Variants in PRKCZ observed in about 807,000 individuals in gnomAD.
The protein encoded by PRKCZ is protein kinase C zeta type.
PRKCZ carries 33 observed loss-of-function variants against 79.5 expected under a neutral mutation model. The ratio of observed to expected loss-of-function variants is 0.41; its 90% CI spans 0.31 to 0.55. PRKCZ has a LOEUF of 0.55. PRKCZ is among the 20% of genes least tolerant of loss of function. The pLI, the probability that PRKCZ is intolerant of heterozygous loss-of-function variation, is 0.19. For missense variants in PRKCZ, 578 were observed against 813.5 expected, an observed-to-expected ratio of 0.71 and a Z score of 3.52; for synonymous variants, 342 against 320.9, an observed-to-expected ratio of 1.07 and a Z score of -0.70.
chr1:2,083,847 CTG>C (rs777605105), intron 4 of PRKCZ, among the ~76,000 whole-genome samples: 28 of 152,302 alleles, frequency 1.8e-4, no homozygotes, highest in Admixed American at 7.2e-4. Context: ...GAATCTGAAA[CTG>C]TATTGGTGTC....
chr1:2,104,619 G>T, intron 4 of PRKCZ: 1 of 938,912 alleles, frequency 1.1e-6, no homozygotes, highest in Non-Finnish European at 1.3e-6. Context: ...ATGAGGCCCT[G>T]GGGTGGAGCC....
At chr1:2,053,374 A>G (rs1048689061) in intron 1 of PRKCZ, among the ~76,000 whole-genome samples, 1 of 152,122 alleles carries the variant, frequency 6.6e-6, no homozygotes, top group African/African-American at 2.4e-5. Flanking sequence ...GCTGGGATGA[A>G]AGGCGTGAGT....
intron 7 of PRKCZ, among the ~76,000 whole-genome samples, chr1:2,147,206 T>G (rs1678756223): frequency 6.6e-6 from 1 of 152,164 alleles, no homozygotes; most frequent in Non-Finnish European, 1.5e-5. Context: ...TATTGTCCAC[T>G]GACCTCTCCA....
chr1:2,093,825 C>T (rs531107265), intron 4 of PRKCZ, among the ~76,000 whole-genome samples: 3 of 152,162 alleles, frequency 2.0e-5, no homozygotes, highest in Non-Finnish European at 2.9e-5. Context: ...GGAGCTGCAT[C>T]GGGCACAGCC....
In PRKCZ at chr1:2,110,076, A is replaced by T. The variant is rs1239008873; in HGVS notation, c.335-25186A>T. ...CTAAAACCAATGGGTCCCAACCAAG[A>T]GGATCCCAGAGGTGAGACACAGAAC... On this transcript the variant is annotated intron_variant, in intron 4 of 17. Coordinates refer to ENST00000378567, the MANE Select transcript of PRKCZ (RefSeq NM_002744.6). Among the ~76,000 whole-genome samples the T allele has an allele frequency of 2.7e-5, 4 of 149,230 alleles. No homozygotes were observed. The East Asian group carries it at 8.0e-4, about 30-fold the overall frequency.
intron 4 of PRKCZ, among the ~76,000 whole-genome samples, chr1:2,080,831 C>T (rs916329580): frequency 6.6e-6 from 1 of 152,180 alleles, no homozygotes; most frequent in African/African-American, 2.4e-5. Context: ...AGACTTGCCT[C>T]ATTTTCAACG....
chr1:2,136,598 CTAGGCGGCTGTGTGCT>C (rs1676252127), intron 5 of PRKCZ, among the ~76,000 whole-genome samples: 1 of 152,202 alleles, frequency 6.6e-6, no homozygotes, highest in Admixed American at 6.5e-5. Context: ...AATGGGGAGC[CTAGGCGGCTGTGTGCT>C]TAGGGCAGGT....
In PRKCZ at chr1:2,082,491, C is replaced by T. The variant is rs754322904; in HGVS notation, c.334+22900C>T. 5.8e-5 allele frequency: 26 copies of T among 445,882 alleles called. No individual in the cohort carries two copies. The highest frequency in any genetic ancestry group is 1.4e-4 in the East Asian group (2 of 14,342). The allele number at this position is 445,882 out of a possible 1,614,324, so 27.6% of individuals were successfully genotyped here. A position where few individuals can be genotyped will look rare whatever the true frequency, so the allele number is the denominator to read the frequency against. ...TGTAAGATCACGTCCGCGTTCCTAG[C>T]GACCGGTTTTGTGATGTGGGCAGTG... On this transcript the variant is annotated intron_variant, in intron 4 of 17. Transcript: ENST00000378567. The surrounding 1 kb of genome is among the most constrained non-coding windows in gnomAD (Gnocchi z 4.4).
intron 4 of PRKCZ, among the ~76,000 whole-genome samples, chr1:2,106,241 A>G (rs571204655): frequency 1.3e-5 from 2 of 152,376 alleles, no homozygotes; most frequent in East Asian, 1.9e-4. Flanking sequence ...AAGGCATCCA[A>G]ACATCAAAAG....
In PRKCZ at chr1:2,055,296, G is replaced by T. The variant is rs566013061; in HGVS notation, c.72-145G>T. The T allele has an allele frequency of 8.8e-5, 87 of 993,656 alleles. No individual in the cohort carries two copies. The African/African-American group carries it at 1.1e-3, about 13-fold the overall frequency. 61.6% of individuals were successfully genotyped at this position (993,656 alleles called of 1,614,324 possible). On this transcript the variant is annotated intron_variant, in intron 1 of 17. Coordinates refer to ENST00000378567, the MANE Select transcript of PRKCZ (RefSeq NM_002744.6). ...GGTTAATGGTTCTATTTTGTGTGTG[G>T]GAGGGGGGAGGGGGTGGGGCTGTCA...
chr1:2,181,628 G>T (rs1308533508), intron 16 of PRKCZ, among the ~76,000 whole-genome samples: 1 of 152,152 alleles, frequency 6.6e-6, no homozygotes, highest in Non-Finnish European at 1.5e-5. Flanking sequence ...TGGCCCCTGG[G>T]GATGCTGTCA....
At chr1:2,122,104 T>C (rs367948294) in intron 4 of PRKCZ, among the ~76,000 whole-genome samples, 10 of 34,706 alleles carry the variant, frequency 2.9e-4, no homozygotes, top group African/African-American at 8.2e-4. Context: ...GTTAGGGTCA[T>C]GGTGGTGGTT....
At chr1:2,179,732 C>T (rs552596640) in intron 16 of PRKCZ, among the ~76,000 whole-genome samples, 1 of 152,308 alleles carries the variant, frequency 6.6e-6, no homozygotes, top group South Asian at 2.1e-4. Flanking sequence ...GCTCCTCCCA[C>T]CCCGGGCCCA....
In PRKCZ at chr1:2,056,551, G is replaced by A. The variant is rs774979252; in HGVS notation, c.261G>A (p.Arg87=). The A allele has an allele frequency of 3.3e-5, 54 of 1,613,890 alleles. No individual in the cohort carries two copies. Among genetic ancestry groups the A allele is most frequent in the Middle Eastern group, 1.7e-4 (1 of 6,034 alleles). ...CTTTCCGCCTGGCCCGTCAGTGCAG[G>A]GATGAAGGCCTCATCATTCATGGTT... The part of the protein sequence containing the change: ...EEAFRLARQC[R]DEGLIIHVFP... Residue 87 remains arginine, a synonymous_variant, in exon 3 of 18, where the codon AGG becomes AGA. Transcript: ENST00000378567.
Position 2,172,280 on chromosome 1 carries a change from C to G in PRKCZ, c.1198-21C>G, listed in dbSNP as rs776401417. The G allele has an allele frequency of 1.2e-6, 2 of 1,613,474 alleles. No homozygotes were observed. The highest frequency in any genetic ancestry group is 2.7e-5 in the African/African-American group (2 of 74,942). On this transcript the variant is annotated intron_variant, in intron 12 of 17. Transcript: ENST00000378567. The surrounding 1 kb of genome is among the most constrained non-coding windows in gnomAD (Gnocchi z 7.8). ...GGGTAGTGTCTACAAGAACCCTCTC[C>G]CAGTAACTTTGCCCCCACAGGAAGG...
At chr1:2,175,339 A>T (rs770196626) in intron 16 of PRKCZ, 26 bp downstream of exon 16, 19 of 1,584,480 alleles carry the variant, frequency 1.2e-5, no homozygotes, top group Non-Finnish European at 1.5e-5. Flanking sequence ...GCCTATTTGC[A>T]CCCCCATCCC....
chr1:2,077,469 G>A (rs951713421), intron 4 of PRKCZ, among the ~76,000 whole-genome samples: 1 of 152,174 alleles, frequency 6.6e-6, no homozygotes, highest in Non-Finnish European at 1.5e-5. Flanking sequence ...AAAGAATCCC[G>A]TGAGGCTGTG....
At chr1:2,107,356 C>T (rs1329727733) in intron 4 of PRKCZ, among the ~76,000 whole-genome samples, 1 of 152,256 alleles carries the variant, frequency 6.6e-6, no homozygotes, top group Non-Finnish European at 1.5e-5. Context: ...TCCCGCACGT[C>T]ACGTGTCCTG....
intron 4 of PRKCZ, among the ~76,000 whole-genome samples, chr1:2,065,546 G>T (rs1220749352): frequency 6.6e-6 from 1 of 152,174 alleles, no homozygotes; most frequent in Non-Finnish European, 1.5e-5. Context: ...GGGCGTGGTT[G>T]CAGGCGCCTG....
Sources: gnomAD v4.1 joint callset for allele counts (sites outside exome capture counted in the v4.1 genomes callset) on GRCh38, gnomAD v4.1.1 for gene constraint, Gnocchi (gnomAD v3.1) non-coding constraint, MANE v1.5 for transcripts, NCBI Gene and HGNC (gene_info 2026-07-23, HGNC 2026-07-21) for gene names.